Variants in C11orf65 observed in about 807,000 individuals in gnomAD.
The protein encoded by C11orf65 is chromosome 11 open reading frame 65, also known as protein MFI.
C11orf65 carries 38 observed loss-of-function variants against 35.3 expected under a neutral mutation model. The observed-to-expected ratio is 1.08, with a 90% confidence interval of 0.83 to 1.41. The LOEUF (loss-of-function observed/expected upper bound fraction) is 1.41, where lower values mean the gene tolerates loss of function less well. C11orf65 is among the 40% of genes most tolerant of loss of function. The pLI, the probability that C11orf65 is intolerant of heterozygous loss-of-function variation, is 0.00. For missense variants in C11orf65, 370 were observed against 367.1 expected, an observed-to-expected ratio of 1.01 and a Z score of -0.06; for synonymous variants, 105 against 114.4, an observed-to-expected ratio of 0.92 and a Z score of 0.53.
chr11:108,333,018 C>G, intron 3 of C11orf65: 1 of 1,298,520 alleles, frequency 7.7e-7, no homozygotes, highest in South Asian at 1.3e-5. Context: ...AATCCAAAAG[C>G]TTAATTTATA....
At chr11:108,389,730 A>T (rs2092101723) in intron 7 of C11orf65, among the ~76,000 whole-genome samples, 1 of 152,086 alleles carries the variant, frequency 6.6e-6, no homozygotes, top group Non-Finnish European at 1.5e-5. Context: ...CCCAGGCTTG[A>T]GTGCAGTGGC....
intron 2 of C11orf65, among the ~76,000 whole-genome samples, chr11:108,447,056 A>G (rs1338573950): frequency 6.6e-6 from 1 of 152,212 alleles, no homozygotes; most frequent in Non-Finnish European, 1.5e-5. Context: ...GTAATGATAA[A>G]GGGATCAATT....
chr11:108,418,403 G>A (rs1014795066), intron 3 of C11orf65, among the ~76,000 whole-genome samples: 2 of 151,990 alleles, frequency 1.3e-5, no homozygotes, highest in Non-Finnish European at 2.9e-5. Flanking sequence ...AAGATAACTG[G>A]CTAATTTCCA....
intron 6 of C11orf65, among the ~76,000 whole-genome samples, chr11:108,320,886 G>A (rs4988094): frequency 0.018 from 2,717 of 152,222 alleles, 80 homozygotes; most frequent in African/African-American, 0.06. Flanking sequence ...TTTTGTATAA[G>A]TATTATAATA....
intron 2 of C11orf65, among the ~76,000 whole-genome samples, chr11:108,443,129 A>C (rs554502422): frequency 2.0e-5 from 3 of 152,254 alleles, no homozygotes; most frequent in South Asian, 4.2e-4. Flanking sequence ...GGAAGATCTA[A>C]CAAGCAAATG....
chr11:108,311,817 G>A (rs2084188313), intron 6 of C11orf65, among the ~76,000 whole-genome samples: 1 of 152,114 alleles, frequency 6.6e-6, no homozygotes, highest in African/African-American at 2.4e-5. Context: ...AGACACCACA[G>A]CTGTCATGGT....
chr11:108,379,094 A>G (rs2091804700), downstream of C11orf65, among the ~76,000 whole-genome samples: 2 of 152,080 alleles, frequency 1.3e-5, no homozygotes, highest in African/African-American at 2.4e-5. Context: ...CTAGAACTAG[A>G]AATACCATTT....
intron 6 of C11orf65, among the ~76,000 whole-genome samples, chr11:108,403,770 C>T (rs1253584052): frequency 6.6e-6 from 1 of 152,152 alleles, no homozygotes; most frequent in Admixed American, 6.5e-5. Flanking sequence ...AATTAAGTTC[C>T]CTTGGCACCT....
rs560394970 is a variant in C11orf65, at chr11:108,337,404, G to A, written c.227-2112C>T. ...GTTGCTCTATAAAGGCTACTCTGTAGAGGGATTTCTTTGATGTGGTTAAGA... is the reference window on the plus strand; with the variant it reads ...GTTGCTCTATAAAGGCTACTCTGTAAAGGGATTTCTTTGATGTGGTTAAGA... On this transcript the variant is annotated intron_variant, in intron 2 of 3. Coordinates refer to the C11orf65 transcript ENST00000524755. Among the ~76,000 whole-genome samples the A allele has an allele frequency of 6.6e-5, 10 of 152,364 alleles. No homozygotes were observed. The East Asian group carries it at 9.6e-4, about 15-fold the overall frequency.
chr11:108,445,997 G>A (rs566081660), intron 2 of C11orf65, among the ~76,000 whole-genome samples: 77 of 152,274 alleles, frequency 5.1e-4, no homozygotes, highest in African/African-American at 1.8e-3. Flanking sequence ...AGGAGCCGAC[G>A]CGATCAACTG....
At chr11:108,466,538 C>T (rs1022724238) in intron 1 of C11orf65, among the ~76,000 whole-genome samples, 1 of 152,144 alleles carries the variant, frequency 6.6e-6, no homozygotes, top group Admixed American at 6.5e-5. Flanking sequence ...CACGCCACTG[C>T]ACTCAGCCTG....
At chr11:108,317,672 C>T (rs1380563006) in intron 6 of C11orf65, 3 of 228,318 alleles carry the variant, frequency 1.3e-5, no homozygotes, top group Non-Finnish European at 2.3e-5. Flanking sequence ...CACACACACA[C>T]ACTATATATA....
At chr11:108,389,967 T>C (rs2092110574) in intron 7 of C11orf65, among the ~76,000 whole-genome samples, 1 of 151,874 alleles carries the variant, frequency 6.6e-6, no homozygotes, top group South Asian at 2.1e-4. Flanking sequence ...GCGCTGGGAT[T>C]ACAGGCATGA....
At chr11:108,381,444 T>C (rs2091863253), downstream of C11orf65, among the ~76,000 whole-genome samples, 1 of 152,194 alleles carries the variant, frequency 6.6e-6, no homozygotes, top group Admixed American at 6.5e-5. Flanking sequence ...TAGATAAATA[T>C]CTGGTTTCTC....
At chr11:108,407,440 T>C (rs1330193732) in intron 3 of C11orf65, among the ~76,000 whole-genome samples, 1 of 151,664 alleles carries the variant, frequency 6.6e-6, no homozygotes, top group Non-Finnish European at 1.5e-5. Flanking sequence ...GCCTCCCAGA[T>C]AGCTGAGACT....
At chr11:108,456,491 A>G (rs11212650) in intron 2 of C11orf65, among the ~76,000 whole-genome samples, 27,512 of 152,074 alleles carry the variant, frequency 0.18, 2,847 homozygotes, top group African/African-American at 0.26. Context: ...ACCATGAAGA[A>G]AAAGTGGTGG....
At chr11:108,408,739 A>G (rs1193205507) in intron 3 of C11orf65, among the ~76,000 whole-genome samples, 1 of 148,718 alleles carries the variant, frequency 6.7e-6, no homozygotes, top group African/African-American at 2.5e-5. Context: ...AAAATGATAT[A>G]AGAATTGTAT....
chr11:108,326,405 A>G (rs1417206042), intron 6 of C11orf65, among the ~76,000 whole-genome samples: 1 of 152,224 alleles, frequency 6.6e-6, no homozygotes, highest in Non-Finnish European at 1.5e-5. Context: ...ACTTTTTCCT[A>G]TATATCACAA....
At chr11:108,424,717 C>G (rs1331428133) in intron 3 of C11orf65, among the ~76,000 whole-genome samples, 1 of 152,166 alleles carries the variant, frequency 6.6e-6, no homozygotes, top group African/African-American at 2.4e-5. Flanking sequence ...ACATTCTTCT[C>G]AACATCACAT....
Sources: allele counts gnomAD v4.1 joint callset (sites outside exome capture counted in the v4.1 genomes callset), GRCh38; gene constraint gnomAD v4.1.1; transcripts MANE v1.5; gene names NCBI Gene and HGNC (gene_info 2026-07-23, HGNC 2026-07-21).